DIP2B: variants seen among roughly 807,000 people sequenced by gnomAD.
DIP2B encodes disco-interacting protein 2 homolog B.
A neutral mutation model predicts 198.0 loss-of-function variants in DIP2B; 76 were observed. The ratio of observed to expected loss-of-function variants is 0.38; its 90% CI spans 0.32 to 0.46. DIP2B has a LOEUF of 0.46. DIP2B is among the 20% of genes least tolerant of loss of function. DIP2B has a pLI of 0.99. For synonymous variants in DIP2B, 701 were observed against 739.1 expected, an observed-to-expected ratio of 0.95 and a Z score of 0.84; for missense variants, 1,559 against 1,978.4, an observed-to-expected ratio of 0.79 and a Z score of 4.02.
At chr12:50,672,927 G>A (rs1245018290) in intron 5 of DIP2B, among the ~76,000 whole-genome samples, 2 of 152,030 alleles carry the variant, frequency 1.3e-5, no homozygotes, top group African/African-American at 4.8e-5. Flanking sequence ...TTATTTTTAT[G>A]GTTTCAATAT....
intron 19 of DIP2B, among the ~76,000 whole-genome samples, chr12:50,701,509 G>A (rs1939416846): frequency 6.6e-6 from 1 of 152,164 alleles, no homozygotes; most frequent in African/African-American, 2.4e-5. Flanking sequence ...AGCCTCCCAA[G>A]TAGCTGGGAT....
intron 1 of DIP2B, among the ~76,000 whole-genome samples, chr12:50,547,509 C>T (rs558524944): frequency 6.6e-6 from 1 of 152,278 alleles, no homozygotes; most frequent in South Asian, 2.1e-4. Context: ...ACAACTTAAA[C>T]ACTTGTCAAT....
intron 23 of DIP2B, among the ~76,000 whole-genome samples, chr12:50,714,839 G>A (rs1251156236): frequency 1.3e-5 from 2 of 152,294 alleles, no homozygotes; most frequent in African/African-American, 4.8e-5. Flanking sequence ...AGCTACTTCA[G>A]AGGCTGACAG....
intron 1 of DIP2B, among the ~76,000 whole-genome samples, chr12:50,527,629 T>A (rs1217221865): frequency 6.6e-6 from 1 of 152,176 alleles, no homozygotes; most frequent in East Asian, 1.9e-4. Context: ...TGTAGTCTCA[T>A]CTGCTTTGGA....
rs536058272 is a variant in DIP2B at position 50,559,394 on chromosome 12, A to G, written c.100+54154A>G. The stretch of plus-strand genomic sequence containing the variant: ...TTCAAGGGTAGATATTTTCTTTGGT[A>G]TTATACCAATTTTATCTCAACAGTT... On this transcript the variant is annotated intron_variant, in intron 1 of 37. Transcript: ENST00000301180. 2.1e-5 allele frequency among the ~76,000 whole-genome samples: 3 copies of G among 142,936 alleles called. No homozygotes were observed. In the East Asian group the frequency reaches 6.3e-4, roughly 30 times the overall value. 93.8% of individuals were successfully genotyped at this position (142,936 alleles called of 152,430 possible). A position where few individuals can be genotyped will look rare whatever the true frequency, so the allele number is the denominator to read the frequency against.
chr12:50,615,534 T>G (rs1291274860), intron 1 of DIP2B, among the ~76,000 whole-genome samples: 11 of 152,214 alleles, frequency 7.2e-5, no homozygotes. Flanking sequence ...GCAACTTTAG[T>G]GATACTTGAT....
intron 4 of DIP2B, among the ~76,000 whole-genome samples, chr12:50,668,808 T>TA (rs1243214414): frequency 6.6e-6 from 1 of 152,222 alleles, no homozygotes; most frequent in African/African-American, 2.4e-5. Flanking sequence ...CTGTTTTTTT[T>TA]AACATGTTTG....
intron 1 of DIP2B, among the ~76,000 whole-genome samples, chr12:50,520,035 CTTTTTTTTTT>C (rs35179881): frequency 4.0e-5 from 4 of 100,560 alleles, no homozygotes; most frequent in Admixed American, 3.7e-4. Context: ...ATTGAATCTC[CTTTTTTTTTT>C]TTTTTTTTTT....
At chr12:50,654,369 T>C (rs1262078636) in intron 3 of DIP2B, among the ~76,000 whole-genome samples, 3 of 151,696 alleles carry the variant, frequency 2.0e-5, no homozygotes, top group Admixed American at 2.0e-4. Context: ...TTTTTTTTTT[T>C]TTAAAGATAG....
chr12:50,538,623 G>GT (rs57823997), intron 1 of DIP2B, among the ~76,000 whole-genome samples: 9,743 of 151,266 alleles, frequency 0.064, 729 homozygotes, highest in East Asian at 0.36. Flanking sequence ...TTCTTCCTGA[G>GT]TTTTTTTTTG....
chr12:50,743,688 CA>C (rs1261125244), intron 37 of DIP2B: 1 of 152,148 alleles, frequency 6.6e-6, no homozygotes, highest in Non-Finnish European at 1.5e-5. Flanking sequence ...GTCTAAAAAA[CA>C]AAAGAATATT....
At chr12:50,687,140 T>C (rs889590903) in intron 12 of DIP2B, among the ~76,000 whole-genome samples, 2 of 152,182 alleles carry the variant, frequency 1.3e-5, no homozygotes, top group African/African-American at 2.4e-5. Flanking sequence ...AGAAATGCAA[T>C]TGGCAACATG....
At chr12:50,672,841 TC>T (rs1365956157) in intron 5 of DIP2B, among the ~76,000 whole-genome samples, 1 of 152,238 alleles carries the variant, frequency 6.6e-6, no homozygotes, top group Non-Finnish European at 1.5e-5. Flanking sequence ...AAATGAACTG[TC>T]CTAAACATAA....
intron 26 of DIP2B, among the ~76,000 whole-genome samples, chr12:50,722,443 G>A (rs1939857032): frequency 6.6e-6 from 1 of 151,962 alleles, no homozygotes; most frequent in African/African-American, 2.4e-5. Flanking sequence ...TAGTAGAGAT[G>A]GGGTTTCACC....
chr12:50,679,047 T>G, intron 8 of DIP2B, 171 bp downstream of exon 8: 1 of 752,320 alleles, frequency 1.3e-6, no homozygotes, highest in Non-Finnish European at 2.1e-6. Flanking sequence ...ATATTTTCAT[T>G]TGCTAAAGCA....
chr12:50,579,735 C>A (rs1958706567), intron 1 of DIP2B, among the ~76,000 whole-genome samples: 14 of 124,160 alleles, frequency 1.1e-4, no homozygotes, highest in Non-Finnish European at 2.0e-4. Context: ...CTTCATGGAC[C>A]CCTGTAATTT....
chr12:50,513,659 A>G (rs1156634583), intron 1 of DIP2B, among the ~76,000 whole-genome samples: 1 of 152,150 alleles, frequency 6.6e-6, no homozygotes, highest in Non-Finnish European at 1.5e-5. Flanking sequence ...AGATCACCTG[A>G]GGACAGGAGT....
intron 3 of DIP2B, 103 bp from the exon 4 acceptor site, chr12:50,660,091 T>G: frequency 4.9e-6 from 1 of 205,064 alleles, no homozygotes; most frequent in Non-Finnish European, 8.2e-6. Context: ...CCCCTTTACC[T>G]TTTTTTTTTT....
At chr12:50,666,056 A>G (rs180890356) in intron 4 of DIP2B, among the ~76,000 whole-genome samples, 2 of 152,342 alleles carry the variant, frequency 1.3e-5, no homozygotes, top group South Asian at 2.1e-4. Flanking sequence ...GAGTCAGATC[A>G]TTTTAATAGT....
Sources: allele counts gnomAD v4.1 joint callset (sites outside exome capture counted in the v4.1 genomes callset), GRCh38; gene constraint gnomAD v4.1.1; transcripts MANE v1.5; gene names NCBI Gene and HGNC (gene_info 2026-07-23, HGNC 2026-07-21).